The following CFAP70 variants were observed in gnomAD, a reference collection of about 807,000 sequenced individuals.
The protein encoded by CFAP70 is cilia and flagella associated protein 70.
CFAP70 carries 81 observed loss-of-function variants against 137.6 expected under a neutral mutation model. The observed-to-expected ratio is 0.59, with a 90% confidence interval of 0.49 to 0.71. The LOEUF is 0.71. Among genes scored for constraint, CFAP70 ranks in the 30% least tolerant of loss-of-function variants. CFAP70 has a pLI of 0.00. For synonymous variants in CFAP70, 382 were observed against 423.6 expected (o/e 0.90, Z 1.20); for missense variants, 976 against 1,226.7 (o/e 0.80, Z 3.05).
chr10:73,291,087 T>G, intron 19 of CFAP70, 139 bp downstream of exon 20: 1 of 682,888 alleles, frequency 1.5e-6, no homozygotes, highest in Non-Finnish European at 2.5e-6. Context: ...TGATCACAGC[T>G]CACTGCAACC....
intron 12 of CFAP70, among the ~76,000 whole-genome samples, chr10:73,306,685 T>C (rs1006587680): frequency 2.0e-5 from 3 of 152,082 alleles, no homozygotes; most frequent in African/African-American, 2.4e-5. Context: ...CTGGGAAACA[T>C]AGTGGGACTA....
intron 6 of CFAP70, among the ~76,000 whole-genome samples, chr10:73,339,506 G>A (rs1025029511): frequency 2.0e-5 from 3 of 152,158 alleles, no homozygotes; most frequent in African/African-American, 7.2e-5. Flanking sequence ...GGCCTGCTAG[G>A]CTCATTTCAC....
At chr10:73,284,540 G>C (rs1312565757) in intron 19 of CFAP70, among the ~76,000 whole-genome samples, 3 of 150,800 alleles carry the variant, frequency 2.0e-5, no homozygotes, top group East Asian at 1.9e-4. Context: ...TTTAGTATTT[G>C]TTTTCTATTT....
intron 6 of CFAP70, among the ~76,000 whole-genome samples, chr10:73,338,584 C>T (rs1453412475): frequency 6.6e-6 from 1 of 151,726 alleles, no homozygotes; most frequent in African/African-American, 2.4e-5. Context: ...ATGTGTGCCA[C>T]TACACCCAGC....
rs369993187 is a variant in CFAP70, at chr10:73,348,131, T to C, written c.349+292A>G. The C allele has an allele frequency of 1.4e-5, 22 of 1,603,826 alleles. No individual in the cohort carries two copies. The African/African-American group carries it at 2.8e-4, about 20-fold the overall frequency. ...TGTTACATTGAATGGCAGGCTGAAA[T>C]GTTGAGAGCTAAAACTCTGATTACC... is the stretch of plus-strand genomic sequence containing the variant. On this transcript the variant is annotated intron_variant, in intron 4 of 26. Transcript: ENST00000310715.
intron 8 of CFAP70, among the ~76,000 whole-genome samples, chr10:73,326,144 C>T (rs913393112): frequency 2.8e-4 from 42 of 152,256 alleles, no homozygotes; most frequent in African/African-American, 9.2e-4. Flanking sequence ...GTCTCTCAGA[C>T]CACAGTGCAA....
chr10:73,349,809 T>G (rs539297609), intron 3 of CFAP70, among the ~76,000 whole-genome samples: 1 of 152,366 alleles, frequency 6.6e-6, no homozygotes, highest in Non-Finnish European at 1.5e-5. Context: ...CATGTGTAGC[T>G]TTGTTTGCTC....
intron 25 of CFAP70, among the ~76,000 whole-genome samples, chr10:73,268,677 T>C (rs939774946): frequency 6.6e-6 from 1 of 150,796 alleles, no homozygotes; most frequent in Non-Finnish European, 1.5e-5. Context: ...AAGAACTCTT[T>C]TTATTTGTTT....
At chr10:73,306,002 A>T (rs11000596) in intron 12 of CFAP70, among the ~76,000 whole-genome samples, 6,116 of 152,128 alleles carry the variant, frequency 0.04, 151 homozygotes, top group South Asian at 0.057. Flanking sequence ...ATTATTTTTT[A>T]AAAAAACAAG....
At chr10:73,305,180 T>C (rs147607500) in intron 12 of CFAP70, among the ~76,000 whole-genome samples, 191 of 152,326 alleles carry the variant, frequency 1.3e-3, no homozygotes, top group Non-Finnish European at 2.2e-3. Context: ...AAGGCACTCA[T>C]CTCTGTTTCT....
intron 1 of CFAP70, among the ~76,000 whole-genome samples, chr10:73,355,408 C>A (rs2054592327): frequency 6.6e-6 from 1 of 152,206 alleles, no homozygotes; most frequent in African/African-American, 2.4e-5. Context: ...CCCATCACCC[C>A]CAGATAGGAC....
intron 16 of CFAP70, among the ~76,000 whole-genome samples, chr10:73,292,665 A>G (rs762168957): frequency 1.6e-4 from 24 of 152,202 alleles, no homozygotes; most frequent in Non-Finnish European, 1.3e-4. Context: ...AGGTACTCAT[A>G]TGAATGCTTA....
chr10:73,324,630 G>C, intron 8 of CFAP70, among the ~76,000 whole-genome samples: 1 of 152,184 alleles, frequency 6.6e-6, no homozygotes, highest in African/African-American at 2.4e-5. Flanking sequence ...CCAATACAGA[G>C]AAGTGCTTAA....
At chr10:73,269,638 T>C (rs2046074795) in exon 25 of CFAP70, 2 of 1,613,516 alleles carry the variant, frequency 1.2e-6, no homozygotes, top group Non-Finnish European at 1.7e-6. Flanking sequence ...GAGCCAGATA[T>C]GCCCATACTT....
At chr10:73,344,239 C>T (rs919388270) in intron 5 of CFAP70, among the ~76,000 whole-genome samples, 1 of 152,200 alleles carries the variant, frequency 6.6e-6, no homozygotes, top group Non-Finnish European at 1.5e-5. Flanking sequence ...GCTGGGATTA[C>T]AGGCGTGAGC....
At chr10:73,297,126 T>C in exon 15 of CFAP70, 1 of 1,613,874 alleles carries the variant, frequency 6.2e-7, no homozygotes, top group Non-Finnish European at 8.5e-7. Flanking sequence ...GGCTTTCAAA[T>C]GATGTTGTCT....
At chr10:73,328,676 G>A (rs1199762245) in intron 8 of CFAP70, among the ~76,000 whole-genome samples, 13 of 141,614 alleles carry the variant, frequency 9.2e-5, no homozygotes, top group East Asian at 6.8e-4. Context: ...AAAAGTGGGC[G>A]AAGGACATGA....
At chr10:73,341,661 C>A (rs1376381828) in intron 5 of CFAP70, 80 bp from the exon 7 acceptor site, 1 of 1,241,666 alleles carries the variant, frequency 8.1e-7, no homozygotes, top group African/African-American at 1.5e-5. Flanking sequence ...AGTGTCTTTT[C>A]AATGGAATGC....
chr10:73,342,138 G>A (rs2132422560), intron 5 of CFAP70, among the ~76,000 whole-genome samples: 1 of 152,156 alleles, frequency 6.6e-6, no homozygotes, highest in Admixed American at 6.5e-5. Flanking sequence ...GTAGAAAATT[G>A]GTAAAATATA....
Sources: allele counts gnomAD v4.1 joint callset (sites outside exome capture counted in the v4.1 genomes callset), GRCh38; gene constraint gnomAD v4.1.1; transcripts MANE v1.5; gene names NCBI Gene and HGNC (gene_info 2026-07-23, HGNC 2026-07-21).